The following PARP9 variants were observed in gnomAD, a reference collection of about 807,000 sequenced individuals.
PARP9 encodes protein mono-ADP-ribosyltransferase PARP9.
In PARP9, 48 loss-of-function variants were observed where a neutral mutation model predicts 68.8. The observed-to-expected ratio is 0.70, with a 90% CI of 0.55 to 0.89. The LOEUF (loss-of-function observed/expected upper bound fraction) is 0.89, where lower values mean the gene tolerates loss of function less well. Among genes scored for constraint, PARP9 ranks in the 40% least tolerant of loss-of-function variants. PARP9 has a pLI of 0.00. For synonymous variants in PARP9, 309 were observed against 333.8 expected, an observed-to-expected ratio of 0.93 and a Z score of 0.81; for missense variants, 806 against 969.3, an observed-to-expected ratio of 0.83 and a Z score of 2.24.
Position 122,528,174 on chromosome 3 carries a change from C to A in PARP9, c.*190G>T. 1 of 635,374 alleles carries A rather than the reference C, an allele frequency of 1.6e-6. No individual in the cohort carries two copies. Among genetic ancestry groups the A allele is most frequent in the East Asian group, 3.0e-5 (1 of 33,460 alleles). The allele number at this position is 635,374 out of a possible 1,614,324, so 39.4% of individuals were successfully genotyped here. On this transcript the variant is annotated 3_prime_UTR_variant, in exon 11 of 11. Coordinates refer to ENST00000682323, the MANE Select transcript of PARP9 (RefSeq NM_001146105.2). Reference sequence around the variant, plus strand: ...GTGTTTCATTTGGTATCTACCTACCCCAACCCCAAGACATAAAGACAGATA... The same window carrying A: ...GTGTTTCATTTGGTATCTACCTACCACAACCCCAAGACATAAAGACAGATA...
At chr3:122,532,077 G>A (rs1469811911) in intron 10 of PARP9, 2 of 890,856 alleles carry the variant, frequency 2.2e-6, no homozygotes, top group African/African-American at 1.8e-5. Flanking sequence ...GCCTGACTCT[G>A]GTGGGTGCAG....
At chr3:122,545,310 C>T in intron 7 of PARP9, 122 bp downstream of exon 7, 1 of 973,570 alleles carries the variant, frequency 1.0e-6, no homozygotes, top group African/African-American at 1.6e-5. Flanking sequence ...CCAAGCAGGA[C>T]CACAATGCAA....
chr3:122,542,948 C>T (rs978206164), intron 7 of PARP9, among the ~76,000 whole-genome samples: 1 of 152,120 alleles, frequency 6.6e-6, no homozygotes, highest in Non-Finnish European at 1.5e-5. Flanking sequence ...CCTCCGTTGC[C>T]CAAGCTGGAG....
chr3:122,553,770 T>A (rs1242082567), intron 4 of PARP9, among the ~76,000 whole-genome samples: 1 of 152,120 alleles, frequency 6.6e-6, no homozygotes, highest in Admixed American at 6.5e-5. Flanking sequence ...AAAAAAAGAA[T>A]AAAGCCTTAT....
chr3:122,543,041 G>A (rs1439240583), intron 7 of PARP9, among the ~76,000 whole-genome samples: 2 of 151,838 alleles, frequency 1.3e-5, no homozygotes, highest in African/African-American at 4.8e-5. Flanking sequence ...TGAGTAGTTG[G>A]GATTACAGGC....
intron 6 of PARP9, among the ~76,000 whole-genome samples, chr3:122,546,968 CTATATATATA>C (rs57337681): frequency 0.018 from 1,277 of 70,094 alleles, 28 homozygotes; most frequent in African/African-American, 0.055. Context: ...ATACATGGCA[CTATATATATA>C]TATATATATA....
intron 3 of PARP9, 61 bp downstream of exon 3, chr3:122,558,373 C>T (rs372339066): frequency 6.2e-7 from 1 of 1,614,156 alleles, no homozygotes; most frequent in Non-Finnish European, 8.5e-7. Context: ...CCCCTTTCTC[C>T]ACTGAGGAAA....
At chr3:122,564,419 G>T (rs762464141), upstream of PARP9, 7 of 1,604,510 alleles carry the variant, frequency 4.4e-6, no homozygotes, top group Non-Finnish European at 6.0e-6. Flanking sequence ...CTCCCGACGC[G>T]CAGAGCCATG....
At chr3:122,528,772 A>T in intron 10 of PARP9, 29 bp from the exon 11 acceptor site, 1 of 1,509,474 alleles carries the variant, frequency 6.6e-7, no homozygotes, top group East Asian at 2.3e-5. Flanking sequence ...AAATAAAAAG[A>T]TTATTATAAT....
chr3:122,548,225 C>T (rs901671528), intron 6 of PARP9, among the ~76,000 whole-genome samples: 13 of 152,146 alleles, frequency 8.5e-5, no homozygotes, highest in African/African-American at 3.1e-4. Context: ...TATACTTGCT[C>T]CAAGAAAGAG....
At chr3:122,558,850 A>G (rs575096902) in intron 2 of PARP9, among the ~76,000 whole-genome samples, 22 of 152,294 alleles carry the variant, frequency 1.4e-4, no homozygotes, top group African/African-American at 5.3e-4. Flanking sequence ...AGCTGGGACT[A>G]CAGGCATGCA....
At position 122,555,891 on chromosome 3, in the gene PARP9, T is replaced by C. The variant is rs747194604; in HGVS notation, c.280A>G (p.Thr94Ala). 6.2e-7 allele frequency: 1 copy of C among 1,613,948 alleles called. No individual in the cohort carries two copies. Among genetic ancestry groups the C allele is most frequent in the South Asian group, 1.1e-5 (1 of 91,066 alleles). Reference protein sequence around the residue: ...ELSVWKDDLTTHAVDAVVNAA... With the variant: ...ELSVWKDDLTAHAVDAVVNAA... ...TTCACCACAGCATCAACAGCATGTG[T>C]GGTGAGGTCATCTTTCCAGACTGAT... The change falls in exon 4 of 11, where the codon ACA (threonine) becomes GCA (alanine). Residue 94 changes from threonine to alanine, a missense_variant. Thr to Ala is a moderately conservative substitution (Grantham distance 58). Coordinates refer to ENST00000682323, the MANE Select transcript of PARP9 (RefSeq NM_001146105.2).
intron 10 of PARP9, among the ~76,000 whole-genome samples, chr3:122,529,127 A>T (rs1293814652): frequency 6.6e-6 from 1 of 151,402 alleles, no homozygotes; most frequent in Non-Finnish European, 1.5e-5. Flanking sequence ...AATCCCAGCT[A>T]CTCAGGAGGC....
chr3:122,554,271 A>G (rs191020668), intron 4 of PARP9, among the ~76,000 whole-genome samples: 64 of 152,150 alleles, frequency 4.2e-4, no homozygotes, highest in Non-Finnish European at 8.5e-4. Context: ...TTCAAAACTC[A>G]TACCTTCTGA....
chr3:122,536,904 G>C (rs368352149), intron 9 of PARP9, 30 bp downstream of exon 9: 314 of 1,587,294 alleles, frequency 2.0e-4, no homozygotes, highest in Non-Finnish European at 2.5e-4. Context: ...ACAACAAAAT[G>C]AGCCAAATCT....
At chr3:122,539,173 G>A (rs983386186) in intron 8 of PARP9, among the ~76,000 whole-genome samples, 63 of 152,146 alleles carry the variant, frequency 4.1e-4, no homozygotes, top group Non-Finnish European at 1.5e-4. Context: ...CAGGCCTTGC[G>A]ACAATCTTAT....
intron 1 of PARP9, among the ~76,000 whole-genome samples, chr3:122,560,543 C>G (rs2080112643): frequency 6.6e-6 from 1 of 152,108 alleles, no homozygotes; most frequent in Admixed American, 6.5e-5. Context: ...CCCGCCACCA[C>G]GCCCAGCTAA....
chr3:122,533,150 G>A (rs2077421179), intron 10 of PARP9: 1 of 152,272 alleles, frequency 6.6e-6, no homozygotes, highest in African/African-American at 2.4e-5. Context: ...AAACTGGGCT[G>A]AGATCTTCAT....
chr3:122,562,752 T>G lies in PARP9; in HGVS notation c.-90+1493A>C, dbSNP rs78069781. 6.8e-3 allele frequency among the ~76,000 whole-genome samples: 1,035 copies of G among 152,346 alleles called. 5 individuals are homozygous for G. Among genetic ancestry groups the G allele is most frequent in the African/African-American group, 0.024 (990 of 41,572 alleles). On this transcript the variant is annotated intron_variant, in intron 1 of 10. Coordinates refer to ENST00000682323, the MANE Select transcript of PARP9 (RefSeq NM_001146105.2). Reference sequence around the variant, plus strand: ...AATGTATCCTAGAGATCTTTTCATGTTAGCACATAGAGAGCTTTTTCATTT... The same window carrying G: ...AATGTATCCTAGAGATCTTTTCATGGTAGCACATAGAGAGCTTTTTCATTT...
Sources: allele counts gnomAD v4.1 joint callset (sites outside exome capture counted in the v4.1 genomes callset), GRCh38; gene constraint gnomAD v4.1.1; transcripts MANE v1.5; gene names NCBI Gene and HGNC (gene_info 2026-07-23, HGNC 2026-07-21).